Variants in TRIOBP observed in about 807,000 individuals in gnomAD.
The protein encoded by TRIOBP is TRIO and F-actin binding protein.
TRIOBP carries 169 observed loss-of-function variants against 238.8 expected under a neutral mutation model. The ratio of observed to expected loss-of-function variants is 0.71; its 90% CI spans 0.62 to 0.80. The LOEUF (loss-of-function observed/expected upper bound fraction) is 0.80, where lower values mean the gene tolerates loss of function less well. Ranked by LOEUF, TRIOBP falls within the 30% of genes least tolerant of loss-of-function variation. The pLI, the probability that TRIOBP is intolerant of heterozygous loss-of-function variation, is 0.00. For missense variants in TRIOBP, 2,838 were observed against 3,122.6 expected, an observed-to-expected ratio of 0.91 and a Z score of 2.17; for synonymous variants, 1,150 against 1,274.4, an observed-to-expected ratio of 0.90 and a Z score of 2.08.
intron 17 of TRIOBP, among the ~76,000 whole-genome samples, chr22:37,761,154 A>G (rs1053770986): frequency 6.6e-6 from 1 of 151,998 alleles, no homozygotes; most frequent in Admixed American, 6.6e-5. Flanking sequence ...CTGAGCTAAT[A>G]GTTAGAAGCT....
rs1471092257 is a variant in TRIOBP, at chr22:37,755,086, G to A, written c.5488-15G>A. 3 of 1,612,212 alleles carry A rather than the reference G, an allele frequency of 1.9e-6. No individual in the cohort carries two copies. The highest frequency in any genetic ancestry group is 2.5e-6 in the Non-Finnish European group (3 of 1,179,216). On this transcript the variant is annotated splice_polypyrimidine_tract_variant and intron_variant, in intron 13 of 23. Coordinates refer to ENST00000644935, the MANE Select transcript of TRIOBP (RefSeq NM_001039141.3). ...CCAGGGCCCACACGGACCATAGTGG[G>A]CCCTCTTGCTCCAGGCAGATGAGCT... is the stretch of plus-strand genomic sequence containing the variant.
At chr22:37,746,215 G>GAGA (rs1555898829) in intron 11 of TRIOBP, 1 of 741,560 alleles carries the variant, frequency 1.3e-6, no homozygotes. Context: ...CAGGAAGTTT[G>GAGA]AAAAAAAAAA....
At chr22:37,757,212 A>G (rs1925969873) in intron 15 of TRIOBP, among the ~76,000 whole-genome samples, 1 of 152,108 alleles carries the variant, frequency 6.6e-6, no homozygotes, top group African/African-American at 2.4e-5. Context: ...AAATTTAAAA[A>G]ATTAGCTGGG....
chr22:37,771,772 C>T (rs1285464220), intron 22 of TRIOBP, 36 bp downstream of exon 22: 19 of 1,598,748 alleles, frequency 1.2e-5, no homozygotes, highest in Non-Finnish European at 1.6e-5. Context: ...CCGTCGGGGA[C>T]TCTGGAGCCA....
At position 37,755,154 on chromosome 22, in the gene TRIOBP, G is replaced by A. The variant is rs747448227; in HGVS notation, c.5541G>A (p.Glu1847=). 2 of 1,613,688 alleles carry A rather than the reference G, an allele frequency of 1.2e-6. No homozygotes were observed. The highest frequency in any genetic ancestry group is 1.1e-5 in the South Asian group (1 of 90,986). ...IDLRSCTDVT[E]YAVQRNYGFQ... is the part of the protein sequence containing the mutation. ...TGCGTTCCTGCACGGATGTCACTGA[G>A]TACGCGGTGCAGCGCAACTATGGCT... Residue 1847 remains glutamate, a synonymous_variant, in exon 14 of 24, where the codon GAG becomes GAA. Transcript: ENST00000644935.
At chr22:37,762,425 A>T (rs762425174) in intron 17 of TRIOBP, among the ~76,000 whole-genome samples, 1 of 152,202 alleles carries the variant, frequency 6.6e-6, no homozygotes, top group Non-Finnish European at 1.5e-5. Context: ...AGGCTCTGCC[A>T]CTACAATGAC....
intron 2 of TRIOBP, among the ~76,000 whole-genome samples, chr22:37,700,475 G>A (rs1274683201): frequency 6.6e-6 from 1 of 151,162 alleles, no homozygotes. Flanking sequence ...CAGTGCAGTG[G>A]CACAGTCATG....
chr22:37,746,547 C>A, intron 11 of TRIOBP: 1 of 871,538 alleles, frequency 1.1e-6, no homozygotes, highest in Non-Finnish European at 1.5e-6. Context: ...AGGGCTGGGC[C>A]GGAAGACGGG....
intron 6 of TRIOBP, among the ~76,000 whole-genome samples, chr22:37,719,086 C>A (rs1923690524): frequency 6.6e-6 from 1 of 150,666 alleles, no homozygotes; most frequent in South Asian, 2.1e-4. Flanking sequence ...GCCTATAGTC[C>A]CAGTTACTCG....
chr22:37,706,284 A>G (rs1301364461), intron 3 of TRIOBP, among the ~76,000 whole-genome samples: 5 of 152,156 alleles, frequency 3.3e-5, no homozygotes, highest in African/African-American at 1.2e-4. Flanking sequence ...AGACCATCAC[A>G]GGAGATGGAG....
chr22:37,757,510 A>T, intron 15 of TRIOBP, 103 bp from the exon 16 acceptor site: 1 of 1,484,010 alleles, frequency 6.7e-7, no homozygotes, highest in Non-Finnish European at 9.1e-7. Context: ...GTCTGTCTCC[A>T]GCCCCTGGCA....
chr22:37,747,270 CCTT>C (rs201248049), intron 11 of TRIOBP, among the ~76,000 whole-genome samples: 8 of 152,224 alleles, frequency 5.3e-5, no homozygotes, highest in African/African-American at 1.4e-4. Context: ...CTTTCCCTGT[CCTT>C]CTGGCCCACT....
chr22:37,743,618 T>A (rs1293388351), intron 11 of TRIOBP, among the ~76,000 whole-genome samples: 1 of 152,184 alleles, frequency 6.6e-6, no homozygotes, highest in East Asian at 1.9e-4. Flanking sequence ...GACACTGACA[T>A]GTAACTGATG....
intron 10 of TRIOBP, among the ~76,000 whole-genome samples, chr22:37,738,963 C>T (rs1924809454): frequency 6.6e-6 from 1 of 152,124 alleles, no homozygotes; most frequent in Non-Finnish European, 1.5e-5. Context: ...TTCTCATTTG[C>T]TGGGACTGAA....
intron 7 of TRIOBP, among the ~76,000 whole-genome samples, chr22:37,727,847 C>A (rs995964160): frequency 1.3e-5 from 2 of 152,124 alleles, no homozygotes; most frequent in Admixed American, 6.5e-5. Flanking sequence ...CCTGATCAGG[C>A]TGAGGTTTCT....
chr22:37,740,800 G>A lies in TRIOBP; in HGVS notation c.5185-95G>A, dbSNP rs150326668. ...GATGGGAACCCTGGGGCTCCATGGT[G>A]GGGGGCACCACAGAATGGGCAGGGG... is the stretch of plus-strand genomic sequence containing the variant. On this transcript the variant is annotated intron_variant, in intron 10 of 23. Transcript: ENST00000644935. 1.1e-3 allele frequency: 1,716 copies of A among 1,524,286 alleles called. 17 individuals carry two copies. The African/African-American group carries it at 0.019, about 17-fold the overall frequency. 94.4% of individuals were successfully genotyped at this position (1,524,286 alleles called of 1,614,324 possible).
chr22:37,714,890 C>T (rs1923436610), intron 5 of TRIOBP, among the ~76,000 whole-genome samples: 1 of 152,118 alleles, frequency 6.6e-6, no homozygotes, highest in Non-Finnish European at 1.5e-5. Context: ...CTGTGTTGCC[C>T]AGCCTGGAAG....
At chr22:37,756,694 C>T (rs1426910879) in intron 15 of TRIOBP, among the ~76,000 whole-genome samples, 3 of 152,224 alleles carry the variant, frequency 2.0e-5, no homozygotes, top group African/African-American at 7.2e-5. Flanking sequence ...GAGCCACCTG[C>T]CACACCCACT....
chr22:37,759,765 G>A (rs904956246), intron 17 of TRIOBP: 1 of 1,398,318 alleles, frequency 7.2e-7, no homozygotes, highest in Non-Finnish European at 9.3e-7. Flanking sequence ...TTCTCAACGG[G>A]GTCCATTTTG....
Sources: gnomAD v4.1 joint callset for allele counts (sites outside exome capture counted in the v4.1 genomes callset) on GRCh38, gnomAD v4.1.1 for gene constraint, MANE v1.5 for transcripts, NCBI Gene and HGNC (gene_info 2026-07-23, HGNC 2026-07-21) for gene names.